The following ZRANB3 variants were observed in gnomAD, a reference collection of about 807,000 sequenced individuals.
The protein encoded by ZRANB3 is DNA annealing helicase and endonuclease ZRANB3.
In ZRANB3, 125 loss-of-function variants were observed where a neutral mutation model predicts 133.8. The observed-to-expected ratio is 0.93, with a 90% confidence interval of 0.81 to 1.08. The LOEUF (loss-of-function observed/expected upper bound fraction) is 1.08, where lower values mean the gene tolerates loss of function less well. ZRANB3 is among the 50% of genes least tolerant of loss of function. ZRANB3 has a pLI of 0.00. For missense variants in ZRANB3, 1,229 were observed against 1,275.5 expected, an observed-to-expected ratio of 0.96 and a Z score of 0.56; for synonymous variants, 387 against 432.7, an observed-to-expected ratio of 0.89 and a Z score of 1.31.
intron 2 of ZRANB3, among the ~76,000 whole-genome samples, chr2:135,434,264 C>A (rs1396857221): frequency 1.3e-5 from 2 of 152,230 alleles, no homozygotes; most frequent in Non-Finnish European, 2.9e-5. Flanking sequence ...CAAATATTAA[C>A]AGGCGGATCT....
intron 2 of ZRANB3, among the ~76,000 whole-genome samples, chr2:135,448,170 A>C (rs1247805039): frequency 6.6e-6 from 1 of 152,204 alleles, no homozygotes; most frequent in Admixed American, 6.5e-5. Flanking sequence ...CAAGATTAAA[A>C]GAAATAGAAA....
intron 6 of ZRANB3, among the ~76,000 whole-genome samples, chr2:135,332,031 A>G (rs910191110): frequency 1.4e-4 from 22 of 152,272 alleles, no homozygotes; most frequent in African/African-American, 5.0e-4. Context: ...CATTCCTAAG[A>G]GAAAATTAGC....
At chr2:135,496,958 G>A (rs1262407613) in intron 2 of ZRANB3, among the ~76,000 whole-genome samples, 2 of 152,136 alleles carry the variant, frequency 1.3e-5, no homozygotes, top group East Asian at 1.9e-4. Flanking sequence ...ATTGAGTGAT[G>A]GTCTCATCCT....
At position 135,197,314 on chromosome 2, in the gene ZRANB3, CTT is replaced by C. The variant is rs921931945; in HGVS notation, c.*3026_*3027del. On this transcript the variant is annotated 3_prime_UTR_variant, in exon 21 of 21. Transcript: ENST00000264159. ...ACTGTAAAGAGCTCAAGAGCATTGA[CTT>C]TTTTGTCTGTCATATAATTTAAAAT... 3.9e-5 allele frequency: 6 copies of C among 152,288 alleles called. No homozygotes were observed. The highest frequency in any genetic ancestry group is 1.4e-4 in the African/African-American group (6 of 41,564). 9.4% of individuals were successfully genotyped at this position (152,288 alleles called of 1,614,324 possible).
chr2:135,355,585 G>A (rs1403377575), intron 3 of ZRANB3, among the ~76,000 whole-genome samples: 5 of 151,926 alleles, frequency 3.3e-5, no homozygotes, highest in East Asian at 1.9e-4. Flanking sequence ...TCAAACTCCC[G>A]ACCTCAGGTG....
intron 5 of ZRANB3, among the ~76,000 whole-genome samples, chr2:135,348,490 T>C (rs1317492382): frequency 6.6e-6 from 1 of 152,156 alleles, no homozygotes; most frequent in African/African-American, 2.4e-5. Flanking sequence ...CAGAGTAGGA[T>C]GTAAGAGCCA....
intron 2 of ZRANB3, among the ~76,000 whole-genome samples, chr2:135,502,094 T>C (rs1223114864): frequency 1.3e-5 from 2 of 152,102 alleles, no homozygotes; most frequent in African/African-American, 4.8e-5. Flanking sequence ...ATAAAATATA[T>C]CCTTAAATTA....
intron 8 of ZRANB3, among the ~76,000 whole-genome samples, chr2:135,309,271 G>A (rs988102124): frequency 3.3e-5 from 5 of 152,022 alleles, no homozygotes; most frequent in African/African-American, 4.8e-5. Context: ...GTGAGCCACC[G>A]CACCCAGCCG....
chr2:135,515,769 T>C (rs1693671287), intron 1 of ZRANB3, among the ~76,000 whole-genome samples: 1 of 152,212 alleles, frequency 6.6e-6, no homozygotes, highest in Non-Finnish European at 1.5e-5. Context: ...TGATTTGCGG[T>C]GGAGAATTCT....
chr2:135,480,179 T>G (rs1019342224), intron 2 of ZRANB3, among the ~76,000 whole-genome samples: 68 of 151,966 alleles, frequency 4.5e-4, no homozygotes, highest in African/African-American at 1.6e-3. Context: ...CCTGACCCTG[T>G]GACCTGCCCG....
intron 1 of ZRANB3, chr2:135,530,698 C>T (rs1694521925): frequency 6.6e-6 from 1 of 152,340 alleles, no homozygotes; most frequent in South Asian, 2.1e-4. Context: ...ACCCTTCTTC[C>T]ATCACTTCTC....
intron 3 of ZRANB3, among the ~76,000 whole-genome samples, chr2:135,374,080 G>C (rs972056903): frequency 2.0e-5 from 3 of 152,104 alleles, no homozygotes; most frequent in Admixed American, 6.6e-5. Flanking sequence ...ATTTCTGCCA[G>C]AGAATAGCAG....
chr2:135,260,826 T>C lies in ZRANB3; in HGVS notation c.1539+4708A>G, dbSNP rs1679924275. ...AAGTTTATAGTATATATATACTATATATTCTATATATATACTATATATATT... is the reference window on the plus strand; with the variant it reads ...AAGTTTATAGTATATATATACTATACATTCTATATATATACTATATATATT... On this transcript the variant is annotated intron_variant, in intron 12 of 20. Transcript: ENST00000264159. Among the ~76,000 whole-genome samples the C allele has an allele frequency of 2.1e-5, 3 of 145,460 alleles. No individual in the cohort carries two copies. The South Asian group carries it at 6.3e-4, about 31-fold the overall frequency.
chr2:135,523,980 T>G (rs1204844160), intron 1 of ZRANB3, among the ~76,000 whole-genome samples: 1 of 152,234 alleles, frequency 6.6e-6, no homozygotes, highest in East Asian at 1.9e-4. Flanking sequence ...AGTTATCAGG[T>G]TCTCCTGGAA....
chr2:135,280,486 G>A (rs1433284593), intron 8 of ZRANB3, among the ~76,000 whole-genome samples: 2 of 152,150 alleles, frequency 1.3e-5, no homozygotes, highest in Non-Finnish European at 2.9e-5. Flanking sequence ...AGAATCATTT[G>A]AGCCCGGGAG....
At chr2:135,296,897 T>C (rs1038878189) in intron 8 of ZRANB3, among the ~76,000 whole-genome samples, 1 of 152,146 alleles carries the variant, frequency 6.6e-6, no homozygotes, top group Non-Finnish European at 1.5e-5. Context: ...CAACAGATAT[T>C]GGTGAACCGC....
At chr2:135,220,631 G>C (rs1015899299) in intron 15 of ZRANB3, among the ~76,000 whole-genome samples, 2 of 144,782 alleles carry the variant, frequency 1.4e-5, no homozygotes, top group Admixed American at 1.4e-4. Flanking sequence ...CCGGGAGGCA[G>C]AGATTACAGT....
At chr2:135,500,755 GT>G (rs1692901613) in intron 2 of ZRANB3, among the ~76,000 whole-genome samples, 1 of 96,496 alleles carries the variant, frequency 1.0e-5, no homozygotes, top group Non-Finnish European at 2.0e-5. Context: ...TTACATATCA[GT>G]AAAAAAAAAA....
At chr2:135,512,218 G>A (rs149819685) in intron 1 of ZRANB3, among the ~76,000 whole-genome samples, 5 of 152,198 alleles carry the variant, frequency 3.3e-5, no homozygotes, top group African/African-American at 1.2e-4. Flanking sequence ...AAAAAAGAAA[G>A]AAGGAAATAC....
Sources: gnomAD v4.1 joint callset for allele counts (sites outside exome capture counted in the v4.1 genomes callset) on GRCh38, gnomAD v4.1.1 for gene constraint, MANE v1.5 for transcripts, NCBI Gene and HGNC (gene_info 2026-07-23, HGNC 2026-07-21) for gene names.